FBXL17: variants seen among roughly 807,000 people sequenced by gnomAD.
FBXL17 encodes the protein F-box/LRR-repeat protein 17.
In FBXL17, 22 loss-of-function variants were observed where a neutral mutation model predicts 66.2. The ratio of observed to expected loss-of-function variants is 0.33; its 90% CI spans 0.24 to 0.47. The LOEUF (loss-of-function observed/expected upper bound fraction) is 0.47. Ranked by LOEUF, FBXL17 falls within the 20% of genes least tolerant of loss-of-function variation. The probability of loss-of-function intolerance (pLI) is 1.00; values close to 1 mark genes in which losing one functional copy is unlikely to be tolerated. For missense variants in FBXL17, 878 were observed against 948.2 expected, an observed-to-expected ratio of 0.93 and a Z score of 0.97; for synonymous variants, 474 against 400.5, an observed-to-expected ratio of 1.18 and a Z score of -2.19.
chr5:108,162,475 G>A (rs1186036206), intron 6 of FBXL17, among the ~76,000 whole-genome samples: 3 of 152,108 alleles, frequency 2.0e-5, no homozygotes, highest in Non-Finnish European at 4.4e-5. Flanking sequence ...GGGTGACAGA[G>A]CAAGACTCTG....
At chr5:108,358,455 T>G (rs917058281) in intron 3 of FBXL17, among the ~76,000 whole-genome samples, 9 of 152,126 alleles carry the variant, frequency 5.9e-5, no homozygotes, top group Non-Finnish European at 4.4e-5. Flanking sequence ...GGTTTTTTTT[T>G]CCTTTCATTC....
At chr5:107,999,472 CA>C (rs1181548473) in intron 7 of FBXL17, among the ~76,000 whole-genome samples, 1 of 150,824 alleles carries the variant, frequency 6.6e-6, no homozygotes. Context: ...CACACACACA[CA>C]CACACACACA....
At chr5:108,221,743 G>A (rs1754875250) in intron 5 of FBXL17, among the ~76,000 whole-genome samples, 1 of 152,072 alleles carries the variant, frequency 6.6e-6, no homozygotes. Context: ...TAACCAGTAT[G>A]AAAACATTGC....
chr5:108,214,299 T>G (rs1754503188), intron 5 of FBXL17, among the ~76,000 whole-genome samples: 3 of 152,092 alleles, frequency 2.0e-5, no homozygotes, highest in African/African-American at 7.2e-5. Context: ...AATTACTGTA[T>G]ATGTCAAAGA....
intron 7 of FBXL17, among the ~76,000 whole-genome samples, chr5:108,009,257 T>C: frequency 1.8e-4 from 1 of 5,480 alleles, no homozygotes; most frequent in Non-Finnish European, 3.7e-4. Context: ...AGTTGTTCCC[T>C]GTTTTATATA....
At chr5:107,920,279 A>T (rs1323912871) in intron 7 of FBXL17, among the ~76,000 whole-genome samples, 2 of 152,164 alleles carry the variant, frequency 1.3e-5, no homozygotes, top group African/African-American at 4.8e-5. Flanking sequence ...ACCTTGGCTC[A>T]CTGCAACCTC....
intron 7 of FBXL17, among the ~76,000 whole-genome samples, chr5:108,012,657 G>A (rs7710101): frequency 0.068 from 10,425 of 152,192 alleles, 461 homozygotes; most frequent in African/African-American, 0.12. Context: ...ATAGTGTTAC[G>A]CACAAATTAT....
intron 7 of FBXL17, among the ~76,000 whole-genome samples, chr5:107,902,369 A>G (rs1449679074): frequency 6.6e-6 from 1 of 152,210 alleles, no homozygotes; most frequent in African/African-American, 2.4e-5. Context: ...TTAAATCAAT[A>G]AATTAATTTA....
chr5:107,927,537 CAT>C (rs1481990601), intron 7 of FBXL17, among the ~76,000 whole-genome samples: 1 of 152,062 alleles, frequency 6.6e-6, no homozygotes, highest in Non-Finnish European at 1.5e-5. Context: ...AAAACCAAAA[CAT>C]ATAGAAAATA....
chr5:108,218,008 T>C (rs1754682958), intron 5 of FBXL17, among the ~76,000 whole-genome samples: 1 of 140,148 alleles, frequency 7.1e-6, no homozygotes, highest in African/African-American at 2.8e-5. Flanking sequence ...TATTTTCTAA[T>C]TTTTTTTCTT....
chr5:108,186,193 T>A lies in FBXL17; in HGVS notation c.1669A>T (p.Thr557Ser). ...LRHITELDNE[T>S]VMEIVKRCKN... ...CACCTCTTGACAATTTCCATCACGG[T>A]TTCATTATCCAGTTCAGTGATATGA... Residue 557 changes from threonine (T) to serine (S), a missense_variant, in exon 6 of 9, where the codon ACC becomes TCC. Transcript: ENST00000542267. 1 of 1,612,830 alleles carries A rather than the reference T, an allele frequency of 6.2e-7. No homozygotes were observed. The highest frequency in any genetic ancestry group is 8.5e-7 in the Non-Finnish European group (1 of 1,179,000).
chr5:107,862,789 G>A (rs76753283), intron 8 of FBXL17, among the ~76,000 whole-genome samples: 26,096 of 143,578 alleles, frequency 0.18, 3,173 homozygotes, highest in Middle Eastern at 0.33. Flanking sequence ...GAAAAGATCA[G>A]GACCACTAGG....
At chr5:108,152,127 C>T (rs1450586452) in intron 6 of FBXL17, among the ~76,000 whole-genome samples, 2 of 152,162 alleles carry the variant, frequency 1.3e-5, no homozygotes, top group East Asian at 3.8e-4. Context: ...TCCATGCACT[C>T]TCTCAAAAGA....
At chr5:107,973,354 A>ATTTTTTTTTT (rs200079422) in intron 7 of FBXL17, among the ~76,000 whole-genome samples, 13 of 120,434 alleles carry the variant, frequency 1.1e-4, no homozygotes, top group Non-Finnish European at 1.8e-4. Flanking sequence ...TTTTTTTGTA[A>ATTTTTTTTTT]TTTTTTTTTT....
At chr5:108,122,787 C>T (rs550678298) in intron 6 of FBXL17, among the ~76,000 whole-genome samples, 6 of 152,276 alleles carry the variant, frequency 3.9e-5, no homozygotes, top group Admixed American at 2.0e-4. Context: ...ACTGCCCAGA[C>T]AGCACTGCCT....
chr5:107,976,078 A>G (rs1580273341), intron 7 of FBXL17, among the ~76,000 whole-genome samples: 1 of 152,054 alleles, frequency 6.6e-6, no homozygotes, highest in Non-Finnish European at 1.5e-5. Context: ...AGGATGGTCT[A>G]GATCTCCTGA....
intron 8 of FBXL17, 126 bp from the exon 9 acceptor site, chr5:107,861,986 G>A (rs1440450074): frequency 8.7e-6 from 9 of 1,038,218 alleles, no homozygotes; most frequent in African/African-American, 4.9e-5. Context: ...TCCTCCTAGC[G>A]ATGTGAGGAA....
chr5:108,025,130 C>T (rs1265567372), intron 6 of FBXL17, among the ~76,000 whole-genome samples: 1 of 152,134 alleles, frequency 6.6e-6, no homozygotes, highest in South Asian at 2.1e-4. Flanking sequence ...AATATGACTA[C>T]ATCGCTTGCA....
chr5:108,334,472 A>C (rs1202445399), intron 4 of FBXL17, among the ~76,000 whole-genome samples: 3 of 152,168 alleles, frequency 2.0e-5, no homozygotes, highest in Non-Finnish European at 4.4e-5. Flanking sequence ...GAGACCTGAC[A>C]ACGCCTATGG....
Sources: allele counts gnomAD v4.1 joint callset (sites outside exome capture counted in the v4.1 genomes callset), GRCh38; gene constraint gnomAD v4.1.1; transcripts MANE v1.5; gene names NCBI Gene and HGNC (gene_info 2026-07-23, HGNC 2026-07-21).